The following DOCK4 variants were observed in gnomAD, a reference collection of about 807,000 sequenced individuals.
DOCK4 encodes dedicator of cytokinesis 4.
Under a neutral mutation model 268.1 loss-of-function variants are expected in DOCK4, and 97 were observed. The ratio of observed to expected loss-of-function variants is 0.36; its 90% CI spans 0.31 to 0.43. The LOEUF (loss-of-function observed/expected upper bound fraction) is 0.43, where lower values mean the gene tolerates loss of function less well. DOCK4 is among the 20% of genes least tolerant of loss of function. The pLI is 1.00. For missense variants in DOCK4, 2,145 were observed against 2,455.7 expected (o/e 0.87, Z 2.67); for synonymous variants, 954 against 887.2 (o/e 1.08, Z -1.34).
chr7:111,989,999 C>G (rs1159861241), intron 5 of DOCK4, among the ~76,000 whole-genome samples: 1 of 152,202 alleles, frequency 6.6e-6, no homozygotes, highest in Non-Finnish European at 1.5e-5. Flanking sequence ...CAACTTCAAT[C>G]TGAATTTCAG....
intron 8 of DOCK4, among the ~76,000 whole-genome samples, chr7:111,950,024 T>G (rs1306473468): frequency 1.3e-5 from 2 of 152,198 alleles, no homozygotes; most frequent in Non-Finnish European, 2.9e-5. Context: ...CCTCCCAGGT[T>G]CAAGTGATTC....
intron 20 of DOCK4, among the ~76,000 whole-genome samples, chr7:111,871,556 A>G (rs980389628): frequency 5.9e-5 from 9 of 152,224 alleles, no homozygotes; most frequent in Non-Finnish European, 1.0e-4. Flanking sequence ...GGCACTCAGT[A>G]AATCCTAACA....
At chr7:112,021,724 T>G (rs1024360500) in intron 1 of DOCK4, among the ~76,000 whole-genome samples, 1 of 152,176 alleles carries the variant, frequency 6.6e-6, no homozygotes, top group Non-Finnish European at 1.5e-5. Flanking sequence ...CAAGGGGAGT[T>G]CTAGTCTAAT....
chr7:112,065,264 A>G (rs1483419370), intron 1 of DOCK4, among the ~76,000 whole-genome samples: 1 of 151,904 alleles, frequency 6.6e-6, no homozygotes, highest in East Asian at 1.9e-4. Flanking sequence ...TCACACCAGC[A>G]TGGCTTGGAG....
chr7:112,113,734 A>ATTTTTTTTTTTTTT (rs57672966), intron 1 of DOCK4, among the ~76,000 whole-genome samples: 5 of 49,548 alleles, frequency 1.0e-4, no homozygotes, highest in Admixed American at 3.5e-4. Context: ...TACTTGGCTG[A>ATTTTTTTTTTTTTT]TTTTTTTTTT....
intron 1 of DOCK4, among the ~76,000 whole-genome samples, chr7:112,061,431 T>C (rs370267379): frequency 3.9e-4 from 60 of 152,242 alleles, no homozygotes; most frequent in African/African-American, 1.3e-3. Flanking sequence ...AGGCTTTGGT[T>C]CACAAGGTAG....
intron 1 of DOCK4, among the ~76,000 whole-genome samples, chr7:112,100,154 G>A (rs146261460): frequency 5.3e-5 from 8 of 152,218 alleles, no homozygotes; most frequent in African/African-American, 9.6e-5. Flanking sequence ...ATTATATTAC[G>A]CATGAAGCAT....
At chr7:112,104,350 G>T (rs1810952388) in intron 1 of DOCK4, among the ~76,000 whole-genome samples, 1 of 152,134 alleles carries the variant, frequency 6.6e-6, no homozygotes, top group South Asian at 2.1e-4. Context: ...CACTGCAATA[G>T]AATGCCTCAT....
rs145402853 is a variant in DOCK4 at position 111,852,729 on chromosome 7, A to T, written c.2474-5603T>A. On this transcript the variant is annotated intron_variant, in intron 23 of 52. Transcript: ENST00000428084. ...GCATGTATACAAAGAAATACATAAC[A>T]ACCCAGCTTGCAGATTTGCTTTTTC... is the stretch of plus-strand genomic sequence containing the variant. 9.8e-3 allele frequency among the ~76,000 whole-genome samples: 1,490 copies of T among 152,364 alleles called. 26 individuals carry two copies. The highest frequency in any genetic ancestry group is 0.034 in the African/African-American group (1,411 of 41,584).
intron 12 of DOCK4, among the ~76,000 whole-genome samples, chr7:111,931,712 C>T (rs112957788): frequency 2.0e-5 from 3 of 152,030 alleles, no homozygotes; most frequent in South Asian, 2.1e-4. Context: ...GGATCCATTT[C>T]GAGACAATGA....
At chr7:111,860,526 A>C (rs1805418591) in intron 23 of DOCK4, among the ~76,000 whole-genome samples, 1 of 152,242 alleles carries the variant, frequency 6.6e-6, no homozygotes, top group Admixed American at 6.5e-5. Context: ...ATCGTGAGCC[A>C]CTGTTGCTTC....
intron 51 of DOCK4, among the ~76,000 whole-genome samples, chr7:111,732,755 C>T (rs983570203): frequency 2.0e-5 from 3 of 152,176 alleles, no homozygotes; most frequent in African/African-American, 7.2e-5. Flanking sequence ...AATCAGCTCC[C>T]CCCAAACAAC....
chr7:111,844,964 AG>A (rs1803982309), intron 24 of DOCK4, 67 bp from the exon 25 acceptor site: 1 of 1,534,504 alleles, frequency 6.5e-7, no homozygotes, highest in Non-Finnish European at 8.7e-7. Flanking sequence ...CTAACAGAAA[AG>A]GGGAAATCAA....
At chr7:111,878,106 G>A (rs1807066463) in intron 16 of DOCK4, among the ~76,000 whole-genome samples, 2 of 152,188 alleles carry the variant, frequency 1.3e-5, no homozygotes, top group Non-Finnish European at 2.9e-5. Flanking sequence ...CTACAGGGAA[G>A]AAACCAGAGA....
chr7:111,910,848 C>T (rs1792035722), intron 13 of DOCK4, among the ~76,000 whole-genome samples: 1 of 152,070 alleles, frequency 6.6e-6, no homozygotes, highest in Admixed American at 6.6e-5. Flanking sequence ...TGTGACAGAC[C>T]CTTAACCAAG....
chr7:112,108,798 C>A (rs1370327900), intron 1 of DOCK4, among the ~76,000 whole-genome samples: 1 of 152,188 alleles, frequency 6.6e-6, no homozygotes, highest in Non-Finnish European at 1.5e-5. Flanking sequence ...GGAAACCCAA[C>A]AATTGCTAAA....
At chr7:112,001,371 G>A (rs1221394609) in intron 2 of DOCK4, among the ~76,000 whole-genome samples, 1 of 152,114 alleles carries the variant, frequency 6.6e-6, no homozygotes, top group Non-Finnish European at 1.5e-5. Flanking sequence ...CCCAGGACAT[G>A]AATCATCCTT....
chr7:111,810,377 G>A (rs1170698338), intron 28 of DOCK4, among the ~76,000 whole-genome samples: 1 of 151,938 alleles, frequency 6.6e-6, no homozygotes, highest in Non-Finnish European at 1.5e-5. Context: ...GCTTCAACCT[G>A]GGGGGCAGAG....
intron 35 of DOCK4, 79 bp downstream of exon 35, chr7:111,782,785 C>T (rs947612760): frequency 7.1e-5 from 102 of 1,427,900 alleles, no homozygotes; most frequent in Non-Finnish European, 9.2e-5. Context: ...GCAGATTAAA[C>T]ACAAACAAAA....
Sources: gnomAD v4.1 joint callset for allele counts (sites outside exome capture counted in the v4.1 genomes callset) on GRCh38, gnomAD v4.1.1 for gene constraint, MANE v1.5 for transcripts, NCBI Gene and HGNC (gene_info 2026-07-23, HGNC 2026-07-21) for gene names.